The following PRXL2C variants were observed in gnomAD, a reference collection of about 807,000 sequenced individuals.
PRXL2C encodes the protein peroxiredoxin like 2C, also known as peroxiredoxin-like 2C.
PRXL2C carries 38 observed loss-of-function variants against 24.9 expected under a neutral mutation model. The observed-to-expected ratio is 1.53, with a 90% CI of 1.18 to 2.00. The LOEUF (loss-of-function observed/expected upper bound fraction) is 2.00, where lower values mean the gene tolerates loss of function less well. Among genes scored for constraint, PRXL2C ranks in the 30% most tolerant of loss-of-function variants. The pLI, the probability that PRXL2C is intolerant of heterozygous loss-of-function variation, is 0.00. For missense variants in PRXL2C, 294 were observed against 290.9 expected, an observed-to-expected ratio of 1.01 and a Z score of -0.08; for synonymous variants, 98 against 117.2, an observed-to-expected ratio of 0.84 and a Z score of 1.06.
Position 96,645,535 on chromosome 9 carries a change from T to C in PRXL2C, c.553+358A>G, listed in dbSNP as rs183713031. Among the ~76,000 whole-genome samples, 212 of 151,848 alleles carry C rather than the reference T, an allele frequency of 1.4e-3. 2 individuals carry two copies. Among genetic ancestry groups the C allele is most frequent in the African/African-American group, 3.8e-3 (156 of 41,444 alleles). ...CCTCTGGGTGGGGCGCGGTGGCTCA[T>C]GCCTGTAATCCCAACACTTTGGGAG... On this transcript the variant is annotated intron_variant, in intron 5 of 5. Transcript: ENST00000375234.
At chr9:96,644,881 CTTTTTTTTTTTT>C (rs530343244) in intron 5 of PRXL2C, among the ~76,000 whole-genome samples, 96 of 36,674 alleles carry the variant, frequency 2.6e-3, no homozygotes, top group East Asian at 7.7e-3. Flanking sequence ...TACATGGATT[CTTTTTTTTTTTT>C]TTTTTTTTTT....
intron 4 of PRXL2C, among the ~76,000 whole-genome samples, chr9:96,646,982 G>A (rs1255991744): frequency 5.9e-5 from 9 of 152,124 alleles, no homozygotes; most frequent in Admixed American, 5.9e-4. Flanking sequence ...TACAGATGGG[G>A]TTTCTCCACG....
rs1175338197 is a variant in PRXL2C, at chr9:96,645,895, G to A, written c.551C>T (p.Pro184Leu). The A allele has an allele frequency of 1.2e-6, 2 of 1,609,452 alleles. No individual in the cohort carries two copies. Among genetic ancestry groups the A allele is most frequent in the African/African-American group, 1.3e-5 (1 of 74,622 alleles). The change falls in exon 5 of 6, where the codon CCA becomes CTA. Residue 184 changes from proline to leucine, a missense_variant and splice_region_variant. Coordinates refer to ENST00000375234, the MANE Select transcript of PRXL2C (RefSeq NM_153698.2). Reference protein sequence around the residue: ...AQQGGTLILGPGNNIHFIHRD... With the variant: ...AQQGGTLILGLGNNIHFIHRD... ...TGAACCTGGGCTTTGATGCTTACCT[G>A]GACCTAAAATGAGGGTTCCACCTTG...
intron 5 of PRXL2C, among the ~76,000 whole-genome samples, chr9:96,644,549 G>A (rs973913511): frequency 5.3e-5 from 8 of 151,938 alleles, no homozygotes; most frequent in Admixed American, 5.2e-4. Flanking sequence ...GCAGTGGCAC[G>A]ATCTGGGCTC....
At chr9:96,652,253 G>A (rs1411951964) in intron 2 of PRXL2C, among the ~76,000 whole-genome samples, 1 of 152,170 alleles carries the variant, frequency 6.6e-6, no homozygotes, top group African/African-American at 2.4e-5. Flanking sequence ...GGCTGAGCAT[G>A]GTGGCTTACG....
chr9:96,642,634 C>T (rs1221519633), intron 5 of PRXL2C, among the ~76,000 whole-genome samples: 1 of 151,742 alleles, frequency 6.6e-6, no homozygotes, highest in Non-Finnish European at 1.5e-5. Context: ...CAACCTCCGC[C>T]TTCTGGGTTC....
At chr9:96,653,102 T>C (rs993012176) in intron 2 of PRXL2C, among the ~76,000 whole-genome samples, 1 of 151,642 alleles carries the variant, frequency 6.6e-6, no homozygotes, top group African/African-American at 2.4e-5. Context: ...GGCGGGCGCC[T>C]GTTAGTCCCA....
Position 96,641,698 on chromosome 9 carries a change from C to A in PRXL2C, c.*61G>T. The A allele has an allele frequency of 1.4e-6, 2 of 1,471,716 alleles. No individual in the cohort carries two copies. The highest frequency in any genetic ancestry group is 1.8e-6 in the Non-Finnish European group (2 of 1,091,704). 91.2% of individuals were successfully genotyped at this position (1,471,716 alleles called of 1,614,324 possible). ...TTAGACACTGCACGAGGATATTACACCCAGGCATTGAAGGTCACATTCCAG... is the reference window on the plus strand; with the variant it reads ...TTAGACACTGCACGAGGATATTACAACCAGGCATTGAAGGTCACATTCCAG... On this transcript the variant is annotated 3_prime_UTR_variant, in exon 6 of 6. Coordinates refer to ENST00000375234, the MANE Select transcript of PRXL2C (RefSeq NM_153698.2).
rs1210111622 is a variant in PRXL2C, at chr9:96,647,123, C to A, written c.422-1099G>T. Among the ~76,000 whole-genome samples, 5 of 152,264 alleles carry A rather than the reference C, an allele frequency of 3.3e-5. No homozygotes were observed. In the East Asian group the frequency reaches 7.8e-4, roughly 24 times the overall value. ...GAAATTTAAGATAAAAAGAAATAAC[C>A]TCCTACCATGTCATGCTACTGAGAC... On this transcript the variant is annotated intron_variant, in intron 4 of 5. Transcript: ENST00000375234.
chr9:96,654,217 G>A (rs1273300989), intron 2 of PRXL2C, among the ~76,000 whole-genome samples: 1 of 152,156 alleles, frequency 6.6e-6, no homozygotes, highest in Admixed American at 6.6e-5. Flanking sequence ...TTTTATAAAG[G>A]CTGCTCAATG....
At chr9:96,644,881 C>CTT (rs530343244) in intron 5 of PRXL2C, among the ~76,000 whole-genome samples, 1,847 of 36,700 alleles carry the variant, frequency 0.05, 573 homozygotes, top group East Asian at 0.11. Flanking sequence ...TACATGGATT[C>CTT]TTTTTTTTTT....
intron 2 of PRXL2C, among the ~76,000 whole-genome samples, chr9:96,653,314 G>C (rs555079721): frequency 6.6e-6 from 1 of 152,008 alleles, no homozygotes; most frequent in African/African-American, 2.4e-5. Flanking sequence ...GACAACACTA[G>C]ATGCACCTGG....
At chr9:96,654,804 T>C (rs1209574215) in intron 1 of PRXL2C, 31 bp from the exon 2 acceptor site, 3 of 1,545,850 alleles carry the variant, frequency 1.9e-6, no homozygotes, top group Admixed American at 3.9e-5. Flanking sequence ...AAGGGCAAGT[T>C]AGTAAAGCAG....
chr9:96,654,600 G>T, intron 2 of PRXL2C, 105 bp downstream of exon 2: 2 of 996,756 alleles, frequency 2.0e-6, no homozygotes, highest in Non-Finnish European at 1.5e-6. Flanking sequence ...GCTGCGGGGA[G>T]GGGCAATCCA....
intron 4 of PRXL2C, among the ~76,000 whole-genome samples, chr9:96,646,714 G>A (rs1466432569): frequency 6.6e-6 from 1 of 152,146 alleles, no homozygotes; most frequent in African/African-American, 2.4e-5. Flanking sequence ...AGGTGGCAAA[G>A]CACAAGATGG....
chr9:96,649,668 C>T (rs913866485), intron 4 of PRXL2C, among the ~76,000 whole-genome samples: 16 of 152,006 alleles, frequency 1.1e-4, no homozygotes, highest in African/African-American at 3.9e-4. Context: ...ATCCCCTCTT[C>T]AAGCCTTGTC....
At position 96,645,938 on chromosome 9, in the gene PRXL2C, G is replaced by A. The variant is rs770320675; in HGVS notation, c.508C>T (p.Gln170Ter). 1 of 1,613,566 alleles carries A rather than the reference G, an allele frequency of 6.2e-7. No individual in the cohort carries two copies. Among genetic ancestry groups the A allele is most frequent in the Non-Finnish European group, 8.5e-7 (1 of 1,179,876 alleles). Residue 170 changes from glutamine (Q) to a stop codon, truncating the protein, a stop_gained, in exon 5 of 6, where the codon CAA becomes TAA. Transcript: ENST00000375234. LOFTEE classifies it high-confidence loss of function. The stretch of plus-strand genomic sequence containing the variant: ...CCACCTTGCTGAGCTGGGTCTCCTT[G>A]AAAATCAAAGAGAGGGCCAGTCACT... ...RAVTGPLFDF[Q>*]GDPAQQGGTL...
At chr9:96,650,607 C>G (rs1010523920) in intron 4 of PRXL2C, among the ~76,000 whole-genome samples, 1 of 151,958 alleles carries the variant, frequency 6.6e-6, no homozygotes, top group African/African-American at 2.4e-5. Context: ...TGGGTGATTT[C>G]AAACGATAAG....
chr9:96,652,932 G>C (rs1159281448), intron 2 of PRXL2C, among the ~76,000 whole-genome samples: 1 of 152,042 alleles, frequency 6.6e-6, no homozygotes, highest in African/African-American at 2.4e-5. Flanking sequence ...TAAATATAAA[G>C]AAAATGCGGT....
Sources: allele counts gnomAD v4.1 joint callset (sites outside exome capture counted in the v4.1 genomes callset), GRCh38; gene constraint gnomAD v4.1.1; transcripts MANE v1.5; gene names NCBI Gene and HGNC (gene_info 2026-07-23, HGNC 2026-07-21).